The following RWDD4 variants were observed in gnomAD, a reference collection of about 807,000 sequenced individuals.
The protein encoded by RWDD4 is RWD domain containing 4, also known as RWD domain-containing protein 4.
In RWDD4, 16 loss-of-function variants were observed where a neutral mutation model predicts 30.0. That is an observed-to-expected ratio of 0.53 (90% CI 0.36 to 0.81). The LOEUF (loss-of-function observed/expected upper bound fraction) is 0.81. RWDD4 is among the 30% of genes least tolerant of loss of function. The pLI, the probability that RWDD4 is intolerant of heterozygous loss-of-function variation, is 0.00. For missense variants in RWDD4, 170 were observed against 223.9 expected (o/e 0.76, Z 1.54); for synonymous variants, 45 against 72.1 (o/e 0.62, Z 1.90).
intron 5 of RWDD4, among the ~76,000 whole-genome samples, chr4:183,648,709 G>T (rs1292495946): frequency 6.6e-6 from 1 of 152,064 alleles, no homozygotes; most frequent in Non-Finnish European, 1.5e-5. Context: ...ACATGTTAGA[G>T]CTCCAGGTAG....
Position 183,643,113 on chromosome 4 carries a change from AT to A in RWDD4, c.535-1646del, listed in dbSNP as rs1357093325. On this transcript the variant is annotated intron_variant, in intron 7 of 7. Transcript: ENST00000326397. ...AAATAAATAAATAAATAAAATAAAA[AT>A]TAAAAAAAAAAAAAAAAGAAAACGG... 3.2e-5 allele frequency among the ~76,000 whole-genome samples: 4 copies of A among 126,926 alleles called. No homozygotes were observed. The East Asian group carries it at 8.7e-4, about 28-fold the overall frequency. The allele number at this position is 126,926 out of a possible 152,430, so 83.3% of individuals were successfully genotyped here. A position where few individuals can be genotyped will look rare whatever the true frequency, so the allele number is the denominator to read the frequency against.
At chr4:183,655,569 C>A (rs970134235) in intron 2 of RWDD4, among the ~76,000 whole-genome samples, 1 of 152,128 alleles carries the variant, frequency 6.6e-6, no homozygotes, top group Non-Finnish European at 1.5e-5. Context: ...CAGGTGAGAG[C>A]CACCGCGCCC....
In RWDD4 at chr4:183,655,578, C is replaced by A. The variant is rs1274755163; in HGVS notation, c.105+303G>T. On this transcript the variant is annotated intron_variant, in intron 2 of 7. Transcript: ENST00000326397. ...GGATTACAGGTGAGAGCCACCGCGC[C>A]CAGCCCTACTGTTACTATTTTATGT... is the stretch of plus-strand genomic sequence containing the variant. 2.0e-5 allele frequency among the ~76,000 whole-genome samples: 3 copies of A among 152,270 alleles called. No individual in the cohort carries two copies. In the East Asian group the frequency reaches 5.8e-4, roughly 29 times the overall value.
At chr4:183,641,617 A>G in intron 7 of RWDD4, 149 bp from the exon 8 acceptor site, 1 of 664,602 alleles carries the variant, frequency 1.5e-6, no homozygotes, top group South Asian at 1.9e-5. Context: ...TTTCAACTTC[A>G]AGCTCAGCTA....
chr4:183,646,450 G>A, intron 6 of RWDD4, 38 bp downstream of exon 6: 1 of 1,603,148 alleles, frequency 6.2e-7, no homozygotes, highest in Non-Finnish European at 8.5e-7. Flanking sequence ...GGTAATAATT[G>A]TAACAAGTTT....
intron 7 of RWDD4, among the ~76,000 whole-genome samples, chr4:183,642,402 G>A (rs1257843801): frequency 1.2e-5 from 1 of 85,560 alleles, no homozygotes; most frequent in East Asian, 3.6e-4. Flanking sequence ...TGTTAGCCAG[G>A]ATGGTCTCGA....
rs376434455 is a variant in RWDD4, at chr4:183,655,974, A to G, written c.25-13T>C. The stretch of plus-strand genomic sequence containing the variant: ...CTTCTAGTTCCATCTGAAATAAAGA[A>G]CTGAATGAGTTTTGTTTAGTGGTAT... On this transcript the variant is annotated splice_polypyrimidine_tract_variant and intron_variant, in intron 1 of 7. Transcript: ENST00000326397. The G allele has an allele frequency of 1.3e-6, 2 of 1,569,490 alleles. No individual in the cohort carries two copies. Among genetic ancestry groups the G allele is most frequent in the Non-Finnish European group, 1.8e-6 (2 of 1,142,806 alleles).
chr4:183,646,700 C>G (rs1733972247), intron 5 of RWDD4, among the ~76,000 whole-genome samples, 163 bp from the exon 6 acceptor site: 1 of 152,092 alleles, frequency 6.6e-6, no homozygotes, highest in African/African-American at 2.4e-5. Context: ...TACTGTTCTC[C>G]TAGGAATACT....
At position 183,646,061 on chromosome 4, in the gene RWDD4, G is replaced by A. The variant is rs1415139610; in HGVS notation, c.534+290C>T. Among the ~76,000 whole-genome samples, 4 of 152,146 alleles carry A rather than the reference G, an allele frequency of 2.6e-5. No homozygotes were observed. In the South Asian group the frequency reaches 8.3e-4, roughly 32 times the overall value. On this transcript the variant is annotated intron_variant, in intron 7 of 7. Transcript: ENST00000326397. ...TGGGACTACAGGCGTGCGCCACCAT[G>A]CCCAGCTCATTTTTGTATTTTTAGT...
chr4:183,659,142 T>A lies in RWDD4; in HGVS notation c.-190A>T, dbSNP rs1475166713. 1.2e-5 allele frequency: 5 copies of A among 419,500 alleles called. No individual in the cohort carries two copies. The highest frequency in any genetic ancestry group is 8.1e-6 in the Non-Finnish European group (2 of 246,972). The allele number at this position is 419,500 out of a possible 1,614,324, so 26.0% of individuals were successfully genotyped here. ...CAGCGCCCAGCCGCCGGCAGTGGGC[T>A]GTGGGCTACGAGCCGGAGCCGCGGC... On this transcript the variant is annotated 5_prime_UTR_variant, in exon 1 of 8. Transcript: ENST00000326397.
At chr4:183,646,166 A>G (rs1246365356) in intron 7 of RWDD4, among the ~76,000 whole-genome samples, 185 bp downstream of exon 7, 2 of 152,126 alleles carry the variant, frequency 1.3e-5, no homozygotes, top group Non-Finnish European at 2.9e-5. Flanking sequence ...GACCTCCAAA[A>G]GTGCTGGGAT....
chr4:183,650,947 A>G, intron 4 of RWDD4, 37 bp downstream of exon 4: 1 of 1,589,878 alleles, frequency 6.3e-7, no homozygotes, highest in Non-Finnish European at 8.6e-7. Context: ...AACCAAAACA[A>G]CAAAAGAATC....
chr4:183,652,825 A>G (rs1734111021), intron 2 of RWDD4, among the ~76,000 whole-genome samples: 1 of 151,478 alleles, frequency 6.6e-6, no homozygotes, highest in Admixed American at 6.6e-5. Context: ...AAAAAAAAAG[A>G]AAGAAATCCT....
chr4:183,652,430 C>T lies in RWDD4; in HGVS notation c.106-1103G>A, dbSNP rs142291529. Among the ~76,000 whole-genome samples the T allele has an allele frequency of 6.1e-3, 866 of 140,942 alleles. 7 individuals carry two copies. The highest frequency in any genetic ancestry group is 0.026 in the East Asian group (116 of 4,514). The allele number at this position is 140,942 out of a possible 152,430, so 92.5% of individuals were successfully genotyped here. A position where few individuals can be genotyped will look rare whatever the true frequency, so the allele number is the denominator to read the frequency against. ...GGCTGGGGTCCAGCTGATCACGGGG[C>T]GGTCACAGCGAGCTGAGATCGTGCC... On this transcript the variant is annotated intron_variant, in intron 2 of 7. Coordinates refer to ENST00000326397, the MANE Select transcript of RWDD4 (RefSeq NM_152682.4).
In RWDD4 at chr4:183,640,878, C is replaced by G. The variant is rs1253191247; in HGVS notation, c.*558G>C. The stretch of plus-strand genomic sequence containing the variant: ...TAGATATTAATTTATTAAAAGGAAG[C>G]AGTTCATCTTTCAAAAATTAAAAGA... On this transcript the variant is annotated 3_prime_UTR_variant, in exon 8 of 8. Transcript: ENST00000326397. 6.9e-6 allele frequency: 1 copy of G among 145,966 alleles called. No homozygotes were observed. Among genetic ancestry groups the G allele is most frequent in the Non-Finnish European group, 1.5e-5 (1 of 66,118 alleles). 9.0% of individuals were successfully genotyped at this position (145,966 alleles called of 1,614,324 possible).
chr4:183,657,183 A>C (rs1734212394), intron 1 of RWDD4, among the ~76,000 whole-genome samples: 1 of 152,234 alleles, frequency 6.6e-6, no homozygotes, highest in Middle Eastern at 3.2e-3. Flanking sequence ...GAAGAAAGGC[A>C]TAAAACACCG....
intron 2 of RWDD4, among the ~76,000 whole-genome samples, chr4:183,654,841 A>G (rs1734152289): frequency 6.6e-6 from 1 of 152,244 alleles, no homozygotes; most frequent in African/African-American, 2.4e-5. Flanking sequence ...TCGATCATGC[A>G]TAAGAATCAT....
Position 183,655,957 on chromosome 4 carries a change from T to C in RWDD4, c.29A>G (p.Glu10Gly), listed in dbSNP as rs200357554. 1.9e-5 allele frequency: 31 copies of C among 1,604,142 alleles called. No homozygotes were observed. The highest frequency in any genetic ancestry group is 6.0e-6 in the Non-Finnish European group (7 of 1,172,650). Residue 10 changes from glutamate to glycine, a missense_variant, in exon 2 of 8, where the codon GAA becomes GGA. Coordinates refer to ENST00000326397, the MANE Select transcript of RWDD4 (RefSeq NM_152682.4). The part of the protein sequence containing the change: MSANEDQEM[E>G]LEALRSIYEG... ...ATAAATAGAGCGTAATGCTTCTAGT[T>C]CCATCTGAAATAAAGAACTGAATGA...
rs1733863403 is a variant in RWDD4, at chr4:183,641,904, T to C, written c.535-436A>G. ...AAGATTTACCATCTTAACCAGACAA[T>C]AAATTCTTATAGTTTTGAAAATATG... On this transcript the variant is annotated intron_variant, in intron 7 of 7. Coordinates refer to ENST00000326397, the MANE Select transcript of RWDD4 (RefSeq NM_152682.4). Among the ~76,000 whole-genome samples the C allele has an allele frequency of 2.6e-5, 4 of 152,266 alleles. No homozygotes were observed. In the South Asian group the frequency reaches 6.2e-4, roughly 24 times the overall value.
Sources: gnomAD v4.1 joint callset for allele counts (sites outside exome capture counted in the v4.1 genomes callset) on GRCh38, gnomAD v4.1.1 for gene constraint, MANE v1.5 for transcripts, NCBI Gene and HGNC (gene_info 2026-07-23, HGNC 2026-07-21) for gene names.